LARP1: variants seen among roughly 807,000 people sequenced by gnomAD.
The protein encoded by LARP1 is la-related protein 1.
Under a neutral mutation model 122.7 loss-of-function variants are expected in LARP1, and 36 were observed. The ratio of observed to expected loss-of-function variants is 0.29; its 90% CI spans 0.22 to 0.39. The LOEUF (loss-of-function observed/expected upper bound fraction) is 0.39, where lower values mean the gene tolerates loss of function less well. Ranked by LOEUF, LARP1 falls within the 10% of genes least tolerant of loss-of-function variation. LARP1 has a pLI of 1.00. For synonymous variants in LARP1, 539 were observed against 528.7 expected, an observed-to-expected ratio of 1.02 and a Z score of -0.27; for missense variants, 1,040 against 1,403.6, an observed-to-expected ratio of 0.74 and a Z score of 4.14.
In LARP1 at chr5:154,802,243, T is replaced by C; in HGVS notation, c.1953T>C (p.His651=). 1 of 1,614,178 alleles carries C rather than the reference T, an allele frequency of 6.2e-7. No individual in the cohort carries two copies. Among genetic ancestry groups the C allele is most frequent in the Non-Finnish European group, 8.5e-7 (1 of 1,180,042 alleles). ...TCCTCATTGTCACCCAGACACCACA[T>C]TACATGCGCCGGCACCCAGGGGGGG... is the stretch of plus-strand genomic sequence containing the variant. ...NKILIVTQTP[H]YMRRHPGGDR... The change falls in exon 11 of 19, where the codon CAT becomes CAC. Residue 651 remains histidine (H), a synonymous_variant. Coordinates refer to ENST00000518297, the MANE Select transcript of LARP1 (RefSeq NM_033551.3). The surrounding 1 kb of genome is among the most constrained non-coding windows in gnomAD (Gnocchi z 5.1).
At chr5:154,692,044 C>T (rs1045491387) in intron 1 of LARP1, among the ~76,000 whole-genome samples, 1 of 152,160 alleles carries the variant, frequency 6.6e-6, no homozygotes, top group African/African-American at 2.4e-5. Context: ...CACCCGCCTC[C>T]GCCGCCCAAA....
At chr5:154,719,173 A>G (rs1426633965) in intron 1 of LARP1, among the ~76,000 whole-genome samples, 1 of 152,148 alleles carries the variant, frequency 6.6e-6, no homozygotes, top group African/African-American at 2.4e-5. Flanking sequence ...AGCCTGGCCT[A>G]TTGGCCTCTG....
At chr5:154,770,471 G>T (rs554413498) in intron 1 of LARP1, among the ~76,000 whole-genome samples, 1 of 151,932 alleles carries the variant, frequency 6.6e-6, no homozygotes, top group African/African-American at 2.4e-5. Context: ...TACCTCTCCC[G>T]GCCTGTCCCT....
intron 1 of LARP1, among the ~76,000 whole-genome samples, chr5:154,701,644 C>CA (rs1754719098): frequency 7.0e-6 from 1 of 142,720 alleles, no homozygotes; most frequent in South Asian, 2.2e-4. Flanking sequence ...TTTTTTGAGA[C>CA]AGAGTCTCGC....
intron 1 of LARP1, among the ~76,000 whole-genome samples, chr5:154,776,984 G>A (rs74441298): frequency 0.081 from 12,328 of 152,244 alleles, 566 homozygotes; most frequent in Admixed American, 0.15. Flanking sequence ...ACAGTCTCGT[G>A]TCACTTAACA....
At position 154,755,867 on chromosome 5, in the gene LARP1, G is replaced by T. The variant is rs1318033234; in HGVS notation, c.110G>T (p.Gly37Val). ...CCGCCGCCGGCGCCCGAGGGCAAGGGCGAGCCCGGGCCAAACGACGTCCGC... is the reference window on the plus strand; with the variant it reads ...CCGCCGCCGGCGCCCGAGGGCAAGGTCGAGCCCGGGCCAAACGACGTCCGC... ...KKPPPAPEGK[G>V]EPGPNDVRGG... Residue 37 changes from glycine (G) to valine (V), a missense_variant, in exon 1 of 19, where the codon GGC becomes GTC. By Grantham distance (109) the Gly-to-Val change is moderately radical. Transcript: ENST00000518297. The T allele has an allele frequency of 2.0e-6, 2 of 1,013,820 alleles. No homozygotes were observed. Among genetic ancestry groups the T allele is most frequent in the Non-Finnish European group, 1.2e-6 (1 of 846,436 alleles). 62.8% of individuals were successfully genotyped at this position (1,013,820 alleles called of 1,614,324 possible).
At position 154,756,051 on chromosome 5, in the gene LARP1, G is replaced by A. The variant is rs1025013866; in HGVS notation, c.294G>A (p.Glu98=). Residue 98 remains glutamate, a synonymous_variant, in exon 1 of 19, where the codon GAG becomes GAA. Coordinates refer to ENST00000518297, the MANE Select transcript of LARP1 (RefSeq NM_033551.3). The part of the protein sequence containing the change: ...AISDGEEGGG[E]PGAGGGAAGA... The stretch of plus-strand genomic sequence containing the variant: ...GCGACGGGGAGGAGGGCGGCGGCGA[G>A]CCAGGCGCTGGCGGAGGAGCTGCCG... The A allele has an allele frequency of 3.7e-6, 4 of 1,088,870 alleles. No homozygotes were observed. The highest frequency in any genetic ancestry group is 1.7e-5 in the African/African-American group (1 of 58,106). The allele number at this position is 1,088,870 out of a possible 1,614,324, so 67.5% of individuals were successfully genotyped here.
At chr5:154,795,373 G>T in intron 8 of LARP1, 54 bp downstream of exon 8, 1 of 1,581,616 alleles carries the variant, frequency 6.3e-7, no homozygotes, top group East Asian at 2.3e-5. Context: ...TCCTTAGGGA[G>T]CTGGAGTTTG....
intron 1 of LARP1, among the ~76,000 whole-genome samples, chr5:154,724,948 G>C (rs956223920): frequency 6.6e-6 from 1 of 152,172 alleles, no homozygotes; most frequent in South Asian, 2.1e-4. Context: ...TTACAGGCAT[G>C]AGCCATCTCG....
chr5:154,767,689 G>C (rs185344775), intron 1 of LARP1, among the ~76,000 whole-genome samples: 1 of 152,176 alleles, frequency 6.6e-6, no homozygotes, highest in East Asian at 1.9e-4. Context: ...CAGCTTTGAG[G>C]TTGTTTGAAG....
At chr5:154,804,632 C>CCTCTAT (rs1371994385) in intron 14 of LARP1, 2 of 393,884 alleles carry the variant, frequency 5.1e-6, no homozygotes, top group Non-Finnish European at 9.7e-6. Context: ...AGATTTCTGG[C>CCTCTAT]AGTCTCTCTG....
At chr5:154,695,808 G>A (rs779638841) in intron 1 of LARP1, among the ~76,000 whole-genome samples, 1 of 152,090 alleles carries the variant, frequency 6.6e-6, no homozygotes, top group Non-Finnish European at 1.5e-5. Context: ...GGGAGGCAAA[G>A]GTCACAGTGA....
In LARP1 at chr5:154,755,892, CG is replaced by C. The variant is rs1561569092; in HGVS notation, c.142del (p.Glu48SerfsTer77). On this transcript the variant is annotated frameshift_variant, in exon 1 of 19. Coordinates refer to ENST00000518297, the MANE Select transcript of LARP1 (RefSeq NM_033551.3). LOFTEE classifies it high-confidence loss of function. ...KGEPGPNDVR[G>X]GEPDGSARRP... is the part of the protein sequence containing the mutation. ...GCGAGCCCGGGCCAAACGACGTCCG[CG>C]GGGGGGAGCCGGACGGCAGCGCTCG... The C allele has an allele frequency of 3.1e-5, 31 of 1,011,032 alleles. No homozygotes were observed. In the South Asian group the frequency reaches 4.2e-4, roughly 14 times the overall value. The allele number at this position is 1,011,032 out of a possible 1,614,324, so 62.6% of individuals were successfully genotyped here.
upstream of LARP1, among the ~76,000 whole-genome samples, chr5:154,710,968 C>T (rs1755189010): frequency 6.6e-6 from 1 of 152,004 alleles, no homozygotes; most frequent in Non-Finnish European, 1.5e-5. Context: ...TGAAAACAGG[C>T]AGCCCTTTTT....
Position 154,814,164 on chromosome 5 carries a change from C to T in LARP1, c.*68C>T. The T allele has an allele frequency of 6.7e-7, 1 of 1,495,606 alleles. No homozygotes were observed. Among genetic ancestry groups the T allele is most frequent in the Non-Finnish European group, 9.2e-7 (1 of 1,087,544 alleles). The allele number at this position is 1,495,606 out of a possible 1,614,324, so 92.6% of individuals were successfully genotyped here. A position where few individuals can be genotyped will look rare whatever the true frequency, so the allele number is the denominator to read the frequency against. ...GTGGGTAAGAGTCCATGGGGGTGCC[C>T]AGTCCCAGGAAAGGGGACAATGAAG... On this transcript the variant is annotated 3_prime_UTR_variant, in exon 19 of 19. Coordinates refer to ENST00000518297, the MANE Select transcript of LARP1 (RefSeq NM_033551.3).
At chr5:154,794,883 A>T (rs1757623153) in intron 7 of LARP1, among the ~76,000 whole-genome samples, 1 of 152,250 alleles carries the variant, frequency 6.6e-6, no homozygotes, top group Non-Finnish European at 1.5e-5. Context: ...TTAGGAGCAG[A>T]AGAGAAAGTG....
At chr5:154,797,602 T>C (rs1435330422) in intron 8 of LARP1, among the ~76,000 whole-genome samples, 1 of 152,120 alleles carries the variant, frequency 6.6e-6, no homozygotes, top group Non-Finnish European at 1.5e-5. Context: ...TACTGCTTTC[T>C]TCCATGCCCA....
At chr5:154,717,694 C>T (rs1038905210) in intron 1 of LARP1, among the ~76,000 whole-genome samples, 1 of 152,174 alleles carries the variant, frequency 6.6e-6, no homozygotes, top group African/African-American at 2.4e-5. Context: ...ATTCCCAATA[C>T]TTTGATCAAA....
chr5:154,810,325 A>G (rs931376988), intron 16 of LARP1, among the ~76,000 whole-genome samples: 1 of 151,700 alleles, frequency 6.6e-6, no homozygotes, highest in African/African-American at 2.4e-5. Flanking sequence ...AGTTCCAGCT[A>G]CACGGGAGGC....
Sources: allele counts gnomAD v4.1 joint callset (sites outside exome capture counted in the v4.1 genomes callset), GRCh38; gene constraint gnomAD v4.1.1; non-coding constraint Gnocchi (gnomAD v3.1); transcripts MANE v1.5; gene names NCBI Gene and HGNC (gene_info 2026-07-23, HGNC 2026-07-21).